SLC24A2: variants seen among roughly 807,000 people sequenced by gnomAD.
SLC24A2 encodes solute carrier family 24 member 2, also known as sodium/potassium/calcium exchanger 2.
SLC24A2 carries 36 observed loss-of-function variants against 62.0 expected under a neutral mutation model. That is an observed-to-expected ratio of 0.58 (90% CI 0.44 to 0.77). The LOEUF (loss-of-function observed/expected upper bound fraction) is 0.77, where lower values mean the gene tolerates loss of function less well. SLC24A2 is among the 30% of genes least tolerant of loss of function. SLC24A2 has a pLI of 0.00. For missense variants in SLC24A2, 846 were observed against 817.9 expected (o/e 1.03, Z -0.42); for synonymous variants, 358 against 294.0 (o/e 1.22, Z -2.23).
chr9:19,532,195 A>C (rs1833740469), intron 8 of SLC24A2, among the ~76,000 whole-genome samples: 2 of 152,090 alleles, frequency 1.3e-5, no homozygotes, highest in South Asian at 4.1e-4. Context: ...TGTTTCTCCT[A>C]CCTCAGCCTC....
chr9:19,739,614 C>T (rs759848334), intron 2 of SLC24A2, among the ~76,000 whole-genome samples: 34 of 152,010 alleles, frequency 2.2e-4, no homozygotes, highest in Non-Finnish European at 3.1e-4. Context: ...TATTGATATG[C>T]GGGAAGAAAA....
the SLC24A2 span, among the ~76,000 whole-genome samples, chr9:19,838,278 A>G: frequency 6.6e-6 from 1 of 152,098 alleles, no homozygotes; most frequent in African/African-American, 2.4e-5. Flanking sequence ...ATCTACAACT[A>G]TCTGATCTTT....
chr9:20,124,719 A>G, the SLC24A2 span, among the ~76,000 whole-genome samples: 2 of 152,158 alleles, frequency 1.3e-5, no homozygotes, highest in East Asian at 3.8e-4. Flanking sequence ...TAAAAGTTTA[A>G]TGTGCCCCCA....
the SLC24A2 span, among the ~76,000 whole-genome samples, chr9:20,299,365 G>GTCCACT: frequency 1.3e-5 from 2 of 152,208 alleles, no homozygotes; most frequent in African/African-American, 4.8e-5. Context: ...ATACACTAAG[G>GTCCACT]GTGGTCCCAA....
At chr9:19,721,999 C>T (rs552332999) in intron 2 of SLC24A2, among the ~76,000 whole-genome samples, 37 of 152,188 alleles carry the variant, frequency 2.4e-4, no homozygotes, top group African/African-American at 8.7e-4. Context: ...TTGCATAATA[C>T]TTTTCCAAAT....
At chr9:19,539,529 T>G (rs1363870609) in intron 8 of SLC24A2, among the ~76,000 whole-genome samples, 2 of 139,934 alleles carry the variant, frequency 1.4e-5, no homozygotes, top group Admixed American at 7.2e-5. Context: ...GTGAGATTCT[T>G]AATCCTGAGT....
At chr9:19,551,124 C>T (rs1367271508) in intron 7 of SLC24A2, among the ~76,000 whole-genome samples, 5 of 152,224 alleles carry the variant, frequency 3.3e-5, no homozygotes, top group Admixed American at 2.6e-4. Flanking sequence ...CTTCATTTCT[C>T]CCTGTCACCC....
chr9:20,259,554 G>T, the SLC24A2 span, among the ~76,000 whole-genome samples: 2 of 152,118 alleles, frequency 1.3e-5, no homozygotes, highest in African/African-American at 4.8e-5. Context: ...CTCAAAGAAT[G>T]AATGAGTTAT....
At chr9:19,820,522 TAA>T in the SLC24A2 span, among the ~76,000 whole-genome samples, 2 of 151,056 alleles carry the variant, frequency 1.3e-5, no homozygotes, top group African/African-American at 4.9e-5. Flanking sequence ...CCTATGGAAA[TAA>T]AAAGTTTTAA....
the SLC24A2 span, among the ~76,000 whole-genome samples, chr9:20,165,766 G>T: frequency 1.3e-5 from 2 of 151,802 alleles, no homozygotes; most frequent in African/African-American, 4.8e-5. Flanking sequence ...AAATCCACGT[G>T]TGACAATGAA....
At chr9:19,653,780 G>A (rs970539418) in intron 2 of SLC24A2, among the ~76,000 whole-genome samples, 1 of 152,172 alleles carries the variant, frequency 6.6e-6, no homozygotes, top group Admixed American at 6.5e-5. Flanking sequence ...ATTCCAATGT[G>A]ACAGCTGATG....
At chr9:20,193,624 T>C in the SLC24A2 span, among the ~76,000 whole-genome samples, 1 of 152,226 alleles carries the variant, frequency 6.6e-6, no homozygotes, top group South Asian at 2.1e-4. Flanking sequence ...TAATACTGGA[T>C]GCTGAAACTG....
At chr9:19,550,606 T>G (rs1436608488) in intron 7 of SLC24A2, among the ~76,000 whole-genome samples, 2 of 152,160 alleles carry the variant, frequency 1.3e-5, no homozygotes, top group Non-Finnish European at 2.9e-5. Context: ...AAAGACTTGA[T>G]GACCACCATC....
At chr9:19,970,318 C>T in the SLC24A2 span, among the ~76,000 whole-genome samples, 1 of 152,140 alleles carries the variant, frequency 6.6e-6, no homozygotes, top group Admixed American at 6.6e-5. Context: ...ACATATTTCC[C>T]TTTGTCTAAG....
intron 2 of SLC24A2, among the ~76,000 whole-genome samples, chr9:19,645,842 GTCCT>G: frequency 6.6e-6 from 1 of 152,298 alleles, no homozygotes; most frequent in East Asian, 1.9e-4. Context: ...TTCTTGTCCA[GTCCT>G]CTATTTTTAA....
chr9:20,258,186 T>C, the SLC24A2 span, among the ~76,000 whole-genome samples: 1 of 152,164 alleles, frequency 6.6e-6, no homozygotes, highest in African/African-American at 2.4e-5. Flanking sequence ...CTTTGCCAAA[T>C]GATTAAATTA....
intron 2 of SLC24A2, among the ~76,000 whole-genome samples, chr9:19,625,321 T>G (rs1469390723): frequency 6.6e-6 from 1 of 152,176 alleles, no homozygotes; most frequent in Admixed American, 6.5e-5. Flanking sequence ...ATAAATTTAA[T>G]GAATACATTT....
the SLC24A2 span, among the ~76,000 whole-genome samples, chr9:20,254,243 T>G: frequency 6.6e-6 from 1 of 152,228 alleles, no homozygotes; most frequent in East Asian, 1.9e-4. Flanking sequence ...CTGGCTCTAT[T>G]ATGCCTCTGT....
chr9:19,862,836 C>G, the SLC24A2 span, among the ~76,000 whole-genome samples: 4 of 151,596 alleles, frequency 2.6e-5, no homozygotes, highest in East Asian at 7.7e-4. Context: ...AAAAAGCATG[C>G]AATGGGTACC....
Sources: allele counts gnomAD v4.1 joint callset (sites outside exome capture counted in the v4.1 genomes callset), GRCh38; gene constraint gnomAD v4.1.1; transcripts MANE v1.5; gene names NCBI Gene and HGNC (gene_info 2026-07-23, HGNC 2026-07-21).